The following SLC44A5 variants were observed in gnomAD, a reference collection of about 807,000 sequenced individuals.
The protein encoded by SLC44A5 is choline transporter-like protein 5.
In SLC44A5, 57 loss-of-function variants were observed where a neutral mutation model predicts 101.8. The observed-to-expected ratio is 0.56, with a 90% CI of 0.45 to 0.70. The LOEUF (loss-of-function observed/expected upper bound fraction) is 0.70. Ranked by LOEUF, SLC44A5 falls within the 30% of genes least tolerant of loss-of-function variation. The pLI is 0.00. For missense variants in SLC44A5, 737 were observed against 853.1 expected (o/e 0.86, Z 1.70); for synonymous variants, 281 against 290.9 (o/e 0.97, Z 0.35).
intron 2 of SLC44A5, among the ~76,000 whole-genome samples, chr1:75,537,034 A>AAAAAAG (rs1553199990): frequency 0.017 from 320 of 18,648 alleles, 23 homozygotes; most frequent in African/African-American, 0.026. Flanking sequence ...AAAAAAAAAA[A>AAAAAAG]TATATATCTA....
chr1:75,322,546 T>C (rs1656245551), intron 4 of SLC44A5, among the ~76,000 whole-genome samples: 1 of 152,078 alleles, frequency 6.6e-6, no homozygotes, highest in African/African-American at 2.4e-5. Context: ...TAGGAGACAT[T>C]CTTAGGACTC....
chr1:75,336,679 T>C (rs1353221924), intron 4 of SLC44A5, among the ~76,000 whole-genome samples: 1 of 152,164 alleles, frequency 6.6e-6, no homozygotes, highest in African/African-American at 2.4e-5. Flanking sequence ...TCATACAACA[T>C]TTTAATGACT....
At chr1:75,356,907 G>T (rs1205677857) in intron 3 of SLC44A5, among the ~76,000 whole-genome samples, 1 of 152,132 alleles carries the variant, frequency 6.6e-6, no homozygotes, top group Non-Finnish European at 1.5e-5. Flanking sequence ...TAGCCTATGA[G>T]CAGTAGATTA....
chr1:75,690,840 G>T, the SLC44A5 span, among the ~76,000 whole-genome samples: 3 of 152,142 alleles, frequency 2.0e-5, no homozygotes, highest in African/African-American at 7.2e-5. Flanking sequence ...GTTAAAGAAA[G>T]CCATAGGCCA....
the SLC44A5 span, among the ~76,000 whole-genome samples, chr1:75,716,895 G>C: frequency 6.6e-6 from 1 of 151,818 alleles, no homozygotes. Flanking sequence ...TTAGCTGGGC[G>C]TCGTGGCATG....
At chr1:75,602,148 T>C (rs1208008367) in intron 1 of SLC44A5, among the ~76,000 whole-genome samples, 2 of 152,160 alleles carry the variant, frequency 1.3e-5, no homozygotes, top group Admixed American at 1.3e-4. Context: ...CCAAATAGGT[T>C]AAATAGGTTA....
intron 5 of SLC44A5, among the ~76,000 whole-genome samples, chr1:75,277,072 C>T (rs945327413): frequency 6.6e-6 from 1 of 152,078 alleles, no homozygotes; most frequent in Non-Finnish European, 1.5e-5. Context: ...GTGTCCCATA[C>T]TAGAAGTTAT....
At chr1:75,227,025 T>A (rs1421219008) in intron 13 of SLC44A5, among the ~76,000 whole-genome samples, 1 of 152,164 alleles carries the variant, frequency 6.6e-6, no homozygotes, top group African/African-American at 2.4e-5. Context: ...TTATGAAAAA[T>A]TGTTGCTTGT....
At chr1:75,342,995 A>T (rs1002711315) in intron 3 of SLC44A5, among the ~76,000 whole-genome samples, 15 of 152,072 alleles carry the variant, frequency 9.9e-5, no homozygotes, top group African/African-American at 3.6e-4. Flanking sequence ...TATATCCTGC[A>T]AATCAATAGA....
At chr1:75,642,788 G>C in the SLC44A5 span, among the ~76,000 whole-genome samples, 3 of 152,098 alleles carry the variant, frequency 2.0e-5, no homozygotes, top group East Asian at 5.8e-4. Flanking sequence ...GTAGTTATCA[G>C]TTTGGAAAAC....
At chr1:75,706,462 T>G in the SLC44A5 span, among the ~76,000 whole-genome samples, 1 of 152,174 alleles carries the variant, frequency 6.6e-6, no homozygotes, top group African/African-American at 2.4e-5. Flanking sequence ...CTTACTAATT[T>G]TGTTGTTAAT....
At chr1:75,583,234 C>A (rs1250438443) in intron 1 of SLC44A5, among the ~76,000 whole-genome samples, 1 of 152,136 alleles carries the variant, frequency 6.6e-6, no homozygotes, top group Non-Finnish European at 1.5e-5. Flanking sequence ...ATTTCTGAAT[C>A]CTGGGAGATG....
intron 4 of SLC44A5, among the ~76,000 whole-genome samples, chr1:75,312,967 CA>C (rs1437184814): frequency 1.3e-5 from 2 of 152,154 alleles, no homozygotes; most frequent in Non-Finnish European, 2.9e-5. Context: ...ATTACAATTT[CA>C]GTTCATTTTC....
chr1:75,592,999 A>G (rs1439390045), intron 1 of SLC44A5, among the ~76,000 whole-genome samples: 1 of 152,154 alleles, frequency 6.6e-6, no homozygotes, highest in Admixed American at 6.6e-5. Context: ...ATGGGATCAT[A>G]TTAAGTTTAA....
At chr1:75,283,062 G>C (rs916108866) in intron 5 of SLC44A5, among the ~76,000 whole-genome samples, 1 of 152,138 alleles carries the variant, frequency 6.6e-6, no homozygotes, top group East Asian at 1.9e-4. Flanking sequence ...TCTACTTTTA[G>C]TTCTTTAAGG....
At chr1:75,621,225 A>G in the SLC44A5 span, among the ~76,000 whole-genome samples, 1 of 152,176 alleles carries the variant, frequency 6.6e-6, no homozygotes, top group Non-Finnish European at 1.5e-5. Context: ...CCTCATCTCT[A>G]TTTCCCTTAA....
At chr1:75,397,793 A>C (rs1326649584) in intron 2 of SLC44A5, among the ~76,000 whole-genome samples, 5 of 152,132 alleles carry the variant, frequency 3.3e-5, no homozygotes, top group Non-Finnish European at 5.9e-5. Flanking sequence ...TCCAGAGTCC[A>C]TTTGTAATCA....
intron 2 of SLC44A5, among the ~76,000 whole-genome samples, chr1:75,439,985 G>GA (rs1312157727): frequency 6.6e-6 from 1 of 151,736 alleles, no homozygotes; most frequent in African/African-American, 2.4e-5. Context: ...CTTTTGAACA[G>GA]AAAAAAATGG....
the SLC44A5 span, among the ~76,000 whole-genome samples, chr1:75,684,030 C>G: frequency 1.3e-5 from 2 of 152,142 alleles, no homozygotes; most frequent in Non-Finnish European, 2.9e-5. Flanking sequence ...CTCAGTTCCA[C>G]ATGGCTGGGA....
Sources: allele counts gnomAD v4.1 joint callset (sites outside exome capture counted in the v4.1 genomes callset), GRCh38; gene constraint gnomAD v4.1.1; transcripts MANE v1.5; gene names NCBI Gene and HGNC (gene_info 2026-07-23, HGNC 2026-07-21).